PLCL1: variants seen among roughly 807,000 people sequenced by gnomAD.
The protein encoded by PLCL1 is phospholipase C like 1 (inactive).
Under a neutral mutation model 84.4 loss-of-function variants are expected in PLCL1, and 41 were observed. That is an observed-to-expected ratio of 0.49 (90% CI 0.38 to 0.63). PLCL1 has a LOEUF of 0.63. PLCL1 is among the 30% of genes least tolerant of loss of function. The pLI is 0.00. For missense variants in PLCL1, 1,206 were observed against 1,367.8 expected, an observed-to-expected ratio of 0.88 and a Z score of 1.87; for synonymous variants, 490 against 488.3, an observed-to-expected ratio of 1.00 and a Z score of -0.05.
At chr2:197,890,351 C>T (rs979108402) in intron 1 of PLCL1, among the ~76,000 whole-genome samples, 6 of 152,038 alleles carry the variant, frequency 3.9e-5, no homozygotes, top group Admixed American at 2.0e-4. Context: ...TAAGGACAAC[C>T]CATTTCCTAC....
chr2:198,011,618 A>G (rs1351302355), intron 1 of PLCL1, among the ~76,000 whole-genome samples: 1 of 151,928 alleles, frequency 6.6e-6, no homozygotes, highest in African/African-American at 2.4e-5. Flanking sequence ...ATATCTGTAG[A>G]CCCAGTTGGT....
chr2:198,004,970 A>G (rs991887499), intron 1 of PLCL1, among the ~76,000 whole-genome samples: 10 of 152,242 alleles, frequency 6.6e-5, no homozygotes, highest in Admixed American at 5.9e-4. Context: ...CTGCTGCAGA[A>G]CATGAAAGGA....
intron 1 of PLCL1, among the ~76,000 whole-genome samples, chr2:198,018,405 G>A (rs1036310818): frequency 1.3e-5 from 2 of 152,106 alleles, no homozygotes; most frequent in African/African-American, 4.8e-5. Flanking sequence ...CTGGAATAGG[G>A]GCTGAAGCCA....
chr2:197,960,300 A>G lies in PLCL1; in HGVS notation c.241-123458A>G, dbSNP rs531495961. ...AAGCTGCTAATTTTGCATGGAGTTG[A>G]GTTAGTTCATGAAGCAATTTCAAAT... On this transcript the variant is annotated intron_variant, in intron 1 of 5. Coordinates refer to ENST00000428675, the MANE Select transcript of PLCL1 (RefSeq NM_006226.4). Among the ~76,000 whole-genome samples, 35 of 152,188 alleles carry G rather than the reference A, an allele frequency of 2.3e-4. 1 individual carries two copies. The South Asian group carries it at 2.9e-3, about 13-fold the overall frequency.
At chr2:198,070,999 T>C (rs1692450026) in intron 1 of PLCL1, 2 of 880,388 alleles carry the variant, frequency 2.3e-6, no homozygotes, top group Non-Finnish European at 2.7e-6. Flanking sequence ...CTATCACCAA[T>C]TGGAATATAT....
intron 3 of PLCL1, among the ~76,000 whole-genome samples, chr2:198,089,330 A>G (rs1367182828): frequency 6.6e-6 from 1 of 152,212 alleles, no homozygotes; most frequent in East Asian, 1.9e-4. Flanking sequence ...CCTCAAAAAT[A>G]TGTACACTCA....
intron 1 of PLCL1, among the ~76,000 whole-genome samples, chr2:197,881,507 G>A (rs919331137): frequency 7.1e-6 from 1 of 141,198 alleles, no homozygotes; most frequent in African/African-American, 2.7e-5. Flanking sequence ...CTGTCTGGAA[G>A]AAGGAACAGT....
intron 5 of PLCL1, among the ~76,000 whole-genome samples, chr2:198,110,843 C>T (rs1574319987): frequency 6.6e-6 from 1 of 151,758 alleles, no homozygotes; most frequent in African/African-American, 2.4e-5. Flanking sequence ...AGTGGTGTCT[C>T]TGGCATCTGC....
chr2:198,040,645 G>T (rs1251437828), intron 1 of PLCL1, among the ~76,000 whole-genome samples: 1 of 152,092 alleles, frequency 6.6e-6, no homozygotes, highest in Non-Finnish European at 1.5e-5. Flanking sequence ...TCTTCATTTG[G>T]CCCCAGGAGG....
intron 1 of PLCL1, among the ~76,000 whole-genome samples, chr2:198,075,255 T>A (rs998005461): frequency 1.3e-5 from 2 of 151,894 alleles, no homozygotes; most frequent in Non-Finnish European, 2.9e-5. Context: ...TGCTAAGAGT[T>A]GCGCAGGCTA....
At chr2:197,842,980 G>A (rs1687040409) in intron 1 of PLCL1, among the ~76,000 whole-genome samples, 1 of 152,098 alleles carries the variant, frequency 6.6e-6, no homozygotes, top group African/African-American at 2.4e-5. Flanking sequence ...CCATGACCTG[G>A]CTTTAATGTA....
intron 1 of PLCL1, among the ~76,000 whole-genome samples, chr2:198,018,313 C>A (rs1324411831): frequency 2.0e-5 from 3 of 152,178 alleles, no homozygotes; most frequent in Non-Finnish European, 4.4e-5. Context: ...GCTGTTTGGG[C>A]AGACATCGAA....
intron 1 of PLCL1, among the ~76,000 whole-genome samples, chr2:197,866,802 C>G (rs1687557264): frequency 6.6e-6 from 1 of 152,180 alleles, no homozygotes; most frequent in Non-Finnish European, 1.5e-5. Flanking sequence ...TTCCCTACCA[C>G]TGTTCCCTAC....
intron 1 of PLCL1, among the ~76,000 whole-genome samples, chr2:197,822,100 A>G (rs1690827966): frequency 6.6e-6 from 1 of 152,128 alleles, no homozygotes; most frequent in Non-Finnish European, 1.5e-5. Flanking sequence ...TGAATCATAG[A>G]TAAACTCCAA....
chr2:198,085,465 G>A lies in PLCL1; in HGVS notation c.1948G>A (p.Asp650Asn). ...AATCTATCCAAGTGCCATGAGGATC[G>A]ATTCCAGTAACTTGAATCCACAGGA... The part of the protein sequence containing the change: ...SRIYPSAMRI[D>N]SSNLNPQDFW... Residue 650 changes from aspartate to asparagine, a missense_variant, in exon 2 of 6, where the codon GAT becomes AAT. Transcript: ENST00000428675. The surrounding 1 kb of genome is among the most constrained non-coding windows in gnomAD (Gnocchi z 5.3). The A allele has an allele frequency of 6.2e-7, 1 of 1,614,014 alleles. No individual in the cohort carries two copies. Among genetic ancestry groups the A allele is most frequent in the South Asian group, 1.1e-5 (1 of 91,084 alleles).
chr2:198,014,733 G>A (rs1440091), intron 1 of PLCL1, among the ~76,000 whole-genome samples: 35,210 of 151,790 alleles, frequency 0.23, 4,243 homozygotes, highest in African/African-American at 0.31. Flanking sequence ...TTCATGGCTC[G>A]GTTCAAGTAT....
intron 5 of PLCL1, among the ~76,000 whole-genome samples, chr2:198,108,708 G>A (rs1460302973): frequency 1.3e-5 from 2 of 151,904 alleles, no homozygotes; most frequent in Non-Finnish European, 2.9e-5. Flanking sequence ...TTAGTATTTA[G>A]CAAGGAAACT....
chr2:198,102,376 A>G (rs1048662083), intron 4 of PLCL1, among the ~76,000 whole-genome samples: 5 of 152,102 alleles, frequency 3.3e-5, no homozygotes, highest in South Asian at 4.1e-4. Flanking sequence ...CGAGACTCAC[A>G]TAGCTAGTAA....
At chr2:197,820,053 A>G (rs1419536488) in intron 1 of PLCL1, among the ~76,000 whole-genome samples, 1 of 152,132 alleles carries the variant, frequency 6.6e-6, no homozygotes, top group Non-Finnish European at 1.5e-5. Flanking sequence ...GCAGAAAAAC[A>G]AAAGTTAAGG....
Sources: gnomAD v4.1 joint callset for allele counts (sites outside exome capture counted in the v4.1 genomes callset) on GRCh38, gnomAD v4.1.1 for gene constraint, Gnocchi (gnomAD v3.1) non-coding constraint, MANE v1.5 for transcripts, NCBI Gene and HGNC (gene_info 2026-07-23, HGNC 2026-07-21) for gene names.